RAD50: variants seen among roughly 807,000 people sequenced by gnomAD.
RAD50 encodes RAD50 double strand break repair protein.
Under a neutral mutation model 168.8 loss-of-function variants are expected in RAD50, and 132 were observed. The observed-to-expected ratio is 0.78, with a 90% confidence interval of 0.68 to 0.90. RAD50 has a LOEUF of 0.90. RAD50 is among the 40% of genes least tolerant of loss of function. RAD50 has a pLI of 0.00. For synonymous variants in RAD50, 525 were observed against 497.4 expected (o/e 1.06, Z -0.74); for missense variants, 1,347 against 1,534.4 (o/e 0.88, Z 2.04).
At chr5:132,585,937 T>A (rs962074428) in intron 5 of RAD50, among the ~76,000 whole-genome samples, 20 of 152,180 alleles carry the variant, frequency 1.3e-4, no homozygotes, top group Admixed American at 1.2e-3. Context: ...TTATCAGATA[T>A]TGGTTTTGCA....
chr5:132,630,267 C>A (rs1285389214), intron 21 of RAD50, among the ~76,000 whole-genome samples: 1 of 152,178 alleles, frequency 6.6e-6, no homozygotes, highest in African/African-American at 2.4e-5. Flanking sequence ...TGGTCTTGAT[C>A]TCTTGACCTT....
chr5:132,633,062 G>A (rs1242891560), intron 21 of RAD50, among the ~76,000 whole-genome samples: 1 of 140,056 alleles, frequency 7.1e-6, no homozygotes, highest in African/African-American at 2.6e-5. Flanking sequence ...CCTATTCCCA[G>A]TTTATCGTTT....
chr5:132,594,249 T>C (rs576209104), intron 11 of RAD50, among the ~76,000 whole-genome samples: 1 of 151,426 alleles, frequency 6.6e-6, no homozygotes, highest in South Asian at 2.1e-4. Flanking sequence ...TTTTAAAAAA[T>C]ATGCTGAATA....
At chr5:132,640,534 A>C in intron 23 of RAD50, 138 bp from the exon 24 acceptor site, 1 of 1,172,224 alleles carries the variant, frequency 8.5e-7, no homozygotes, top group East Asian at 2.3e-5. Context: ...GGGCTCTCCC[A>C]GAGGGCAGTG....
intron 21 of RAD50, chr5:132,630,925 C>T (rs1331845218): frequency 6.6e-6 from 1 of 152,070 alleles, no homozygotes. Flanking sequence ...ATAAGGCAGG[C>T]TGGACAAGCT....
In RAD50 at chr5:132,618,297, A is replaced by T. The variant is rs1277820959; in HGVS notation, c.3389+3A>T. 2.5e-6 allele frequency: 4 copies of T among 1,613,962 alleles called. No individual in the cohort carries two copies. The highest frequency in any genetic ancestry group is 2.5e-6 in the Non-Finnish European group (3 of 1,179,948). Reference sequence around the variant, plus strand: ...ATTTATTATAAGACTCTTGACCAGTAAGTATTAGACTGGGGATTTTCTTAT... The same window carrying T: ...ATTTATTATAAGACTCTTGACCAGTTAGTATTAGACTGGGGATTTTCTTAT... On this transcript the variant is annotated splice_donor_region_variant and intron_variant, in intron 21 of 24. Coordinates refer to ENST00000378823, the MANE Select transcript of RAD50 (RefSeq NM_005732.4).
At chr5:132,609,680 G>A (rs1751051768) in intron 19 of RAD50, among the ~76,000 whole-genome samples, 1 of 152,172 alleles carries the variant, frequency 6.6e-6, no homozygotes, top group African/African-American at 2.4e-5. Context: ...TACTCGGGAA[G>A]CTGAGGCATG....
Position 132,588,753 on chromosome 5 carries a change from C to G in RAD50, c.1118C>G (p.Ser373Cys), listed in dbSNP as rs774098038. 6.2e-7 allele frequency: 1 copy of G among 1,613,922 alleles called. No individual in the cohort carries two copies. Among genetic ancestry groups the G allele is most frequent in the Admixed American group, 1.7e-5 (1 of 60,000 alleles). Residue 373 changes from serine to cysteine, a missense_variant, in exon 8 of 25, where the codon TCT (serine) becomes TGT (cysteine). Around this residue, in one of 3 missense-constraint regions of RAD50, gnomAD observed 703 missense variants for 767.7 expected, o/e 0.92. Coordinates refer to ENST00000378823, the MANE Select transcript of RAD50 (RefSeq NM_005732.4). ...HIRARDSLIQ[S>C]LATQLELDGF... ...CGAGCTAGAGATTCATTAATTCAGTCTTTGGCAACACAGCTAGAATTGGAT... is the reference window on the plus strand; with the variant it reads ...CGAGCTAGAGATTCATTAATTCAGTGTTTGGCAACACAGCTAGAATTGGAT...
chr5:132,603,263 A>T, intron 13 of RAD50, 37 bp from the exon 14 acceptor site: 1 of 1,544,956 alleles, frequency 6.5e-7, no homozygotes, highest in Non-Finnish European at 8.9e-7. Context: ...TGTGAGAAAC[A>T]TCAGATACTT....
At chr5:132,635,806 T>C (rs1256848830) in intron 21 of RAD50, among the ~76,000 whole-genome samples, 1 of 152,198 alleles carries the variant, frequency 6.6e-6, no homozygotes. Context: ...TCCATCAGTT[T>C]TGTTTTGTTT....
At chr5:132,612,792 C>A (rs946850748) in intron 19 of RAD50, among the ~76,000 whole-genome samples, 3 of 152,068 alleles carry the variant, frequency 2.0e-5, no homozygotes, top group Non-Finnish European at 4.4e-5. Flanking sequence ...TACGCCACTG[C>A]ACTCCAGCCT....
chr5:132,587,469 A>G, intron 5 of RAD50, 93 bp from the exon 6 acceptor site: 1 of 1,532,172 alleles, frequency 6.5e-7, no homozygotes, highest in Non-Finnish European at 8.8e-7. Context: ...CACTTTTACT[A>G]AATGCCTGGA....
At chr5:132,591,134 G>A (rs921895628) in intron 9 of RAD50, 90 bp from the exon 10 acceptor site, 1 of 1,283,238 alleles carries the variant, frequency 7.8e-7, no homozygotes, top group Non-Finnish European at 1.1e-6. Flanking sequence ...AACATTCTGA[G>A]GAGTAGTTAA....
chr5:132,615,607 G>T (rs1305476419), intron 19 of RAD50, among the ~76,000 whole-genome samples: 5 of 152,016 alleles, frequency 3.3e-5, no homozygotes, highest in Non-Finnish European at 5.9e-5. Flanking sequence ...TGGGGATGTA[G>T]GTATTAAAAT....
At chr5:132,639,315 T>C (rs1751664613) in intron 23 of RAD50, among the ~76,000 whole-genome samples, 1 of 138,558 alleles carries the variant, frequency 7.2e-6, no homozygotes, top group Non-Finnish European at 1.5e-5. Context: ...ATCGTGCCAT[T>C]GCACTCCAGC....
intron 2 of RAD50, among the ~76,000 whole-genome samples, chr5:132,568,723 A>G (rs1188058488): frequency 6.6e-6 from 1 of 152,242 alleles, no homozygotes; most frequent in Non-Finnish European, 1.5e-5. Flanking sequence ...TCCTATATCC[A>G]GCAAAAATAT....
intron 19 of RAD50, 73 bp from the exon 20 acceptor site, chr5:132,615,930 A>G: frequency 7.3e-7 from 1 of 1,365,476 alleles, no homozygotes; most frequent in Non-Finnish European, 1.0e-6. Flanking sequence ...ACTTGCTGTC[A>G]CCAGTTGCCT....
intron 19 of RAD50, 125 bp from the exon 20 acceptor site, chr5:132,615,878 C>G (rs1327947958): frequency 1.0e-6 from 1 of 962,326 alleles, no homozygotes; most frequent in African/African-American, 1.6e-5. Context: ...CTTATTCTCC[C>G]TCTGTTGAAT....
chr5:132,629,417 C>T (rs3798135), intron 21 of RAD50, among the ~76,000 whole-genome samples: 39,806 of 151,922 alleles, frequency 0.26, 5,794 homozygotes, highest in African/African-American at 0.39. Context: ...AGAATGAGGA[C>T]CTATGAGGGA....
Sources: gnomAD v4.1 joint callset for allele counts (sites outside exome capture counted in the v4.1 genomes callset) on GRCh38, gnomAD v4.1.1 for gene constraint, gnomAD v4.1.1 regional missense constraint, MANE v1.5 for transcripts, NCBI Gene and HGNC (gene_info 2026-07-23, HGNC 2026-07-21) for gene names.